Variants in RIMS1 observed in about 807,000 individuals in gnomAD.
RIMS1 encodes the protein regulating synaptic membrane exocytosis protein 1.
In RIMS1, 83 loss-of-function variants were observed where a neutral mutation model predicts 214.1. The observed-to-expected ratio is 0.39, with a 90% confidence interval of 0.32 to 0.47. RIMS1 has a LOEUF of 0.47. RIMS1 is among the 20% of genes least tolerant of loss of function. The pLI is 0.99. For missense variants in RIMS1, 2,050 were observed against 2,161.8 expected (o/e 0.95, Z 1.03); for synonymous variants, 793 against 786.8 (o/e 1.01, Z -0.13).
intron 28 of RIMS1, among the ~76,000 whole-genome samples, chr6:72,321,125 A>G (rs955896921): frequency 3.3e-5 from 5 of 152,078 alleles, no homozygotes; most frequent in Non-Finnish European, 7.4e-5. Flanking sequence ...TCAAGATGGC[A>G]TATATGCTAT....
chr6:72,370,821 A>G (rs1230563650), intron 29 of RIMS1, among the ~76,000 whole-genome samples: 5 of 152,284 alleles, frequency 3.3e-5, no homozygotes, highest in Middle Eastern at 3.4e-3. Flanking sequence ...AGTAGAGAAG[A>G]AAAGGGAGGA....
rs577388594 is a variant in RIMS1, at chr6:72,307,355, C to T, written c.3948C>T (p.Arg1316=). Residue 1316 remains arginine, a synonymous_variant, in exon 27 of 34, where the codon CGC becomes CGT. Transcript: ENST00000521978. ...CTGGTTCTAGTCAAGAACTTGATCGCGAGCAATATTCCAAGGTAAAATTAG... is the reference window on the plus strand; with the variant it reads ...CTGGTTCTAGTCAAGAACTTGATCGTGAGCAATATTCCAAGGTAAAATTAG... The part of the protein sequence containing the change: ...TGSGSSQELD[R]EQYSKYNIHK... 13 of 1,594,880 alleles carry T rather than the reference C, an allele frequency of 8.2e-6. No individual in the cohort carries two copies. Among genetic ancestry groups the T allele is most frequent in the African/African-American group, 1.3e-5 (1 of 74,580 alleles).
chr6:72,016,760 T>C (rs1030441089), intron 2 of RIMS1, among the ~76,000 whole-genome samples: 8 of 152,192 alleles, frequency 5.3e-5, no homozygotes, highest in African/African-American at 7.2e-5. Context: ...TGATCTGCAA[T>C]ATTTTGAGGA....
chr6:72,047,686 C>G (rs1479566334), intron 2 of RIMS1, among the ~76,000 whole-genome samples: 1 of 151,976 alleles, frequency 6.6e-6, no homozygotes, highest in East Asian at 1.9e-4. Flanking sequence ...TCTAAATTCC[C>G]TGCTTTGATA....
chr6:72,192,788 G>C (rs1291096787), intron 6 of RIMS1, among the ~76,000 whole-genome samples: 1 of 152,126 alleles, frequency 6.6e-6, no homozygotes, highest in African/African-American at 2.4e-5. Flanking sequence ...GGGCTGAAAG[G>C]CTAAGCCAGT....
chr6:72,333,878 G>A (rs760205498), intron 29 of RIMS1, 43 bp downstream of exon 29: 2 of 1,396,922 alleles, frequency 1.4e-6, no homozygotes, highest in East Asian at 2.5e-5. Flanking sequence ...ATTCTTTTAT[G>A]GAGAGAAAAA....
chr6:72,034,674 G>A (rs1819093055), intron 2 of RIMS1, among the ~76,000 whole-genome samples: 1 of 151,936 alleles, frequency 6.6e-6, no homozygotes, highest in Non-Finnish European at 1.5e-5. Flanking sequence ...AGTTGCAAGA[G>A]ATATTAAATG....
chr6:72,131,572 A>T (rs1019904403), intron 4 of RIMS1, among the ~76,000 whole-genome samples: 1 of 152,186 alleles, frequency 6.6e-6, no homozygotes, highest in South Asian at 2.1e-4. Flanking sequence ...AAGATCACGT[A>T]CTTCACAAGG....
At chr6:72,325,261 A>G (rs754129144) in intron 28 of RIMS1, among the ~76,000 whole-genome samples, 1 of 151,818 alleles carries the variant, frequency 6.6e-6, no homozygotes, top group Non-Finnish European at 1.5e-5. Context: ...ACAAAATTTT[A>G]GCAAATTGAA....
chr6:72,341,541 T>C (rs2097092802), intron 29 of RIMS1, among the ~76,000 whole-genome samples: 1 of 151,794 alleles, frequency 6.6e-6, no homozygotes, highest in Admixed American at 6.6e-5. Flanking sequence ...AATTACTCAA[T>C]TTACTTTAAC....
intron 1 of RIMS1, among the ~76,000 whole-genome samples, chr6:71,959,036 CT>C (rs755730318): frequency 3.3e-5 from 5 of 151,890 alleles, no homozygotes; most frequent in Non-Finnish European, 7.4e-5. Flanking sequence ...ATTTGATTTC[CT>C]TTTTTTGGTC....
At chr6:72,340,569 A>G (rs2097034765) in intron 29 of RIMS1, among the ~76,000 whole-genome samples, 1 of 152,000 alleles carries the variant, frequency 6.6e-6, no homozygotes, top group Non-Finnish European at 1.5e-5. Context: ...TGTTTTTGTC[A>G]GGTTTGTCAA....
intron 28 of RIMS1, among the ~76,000 whole-genome samples, chr6:72,326,313 T>C (rs555239734): frequency 6.6e-6 from 1 of 151,896 alleles, no homozygotes; most frequent in South Asian, 2.1e-4. Flanking sequence ...TTAGGACTTC[T>C]GTTTTTTATC....
intron 2 of RIMS1, among the ~76,000 whole-genome samples, chr6:71,998,089 T>G (rs1804024103): frequency 6.6e-6 from 1 of 152,164 alleles, no homozygotes; most frequent in African/African-American, 2.4e-5. Flanking sequence ...CAGGATGGGA[T>G]CTGTGGGTCT....
At chr6:72,176,820 T>C (rs1052888550) in intron 4 of RIMS1, among the ~76,000 whole-genome samples, 3 of 152,240 alleles carry the variant, frequency 2.0e-5, no homozygotes, top group African/African-American at 7.2e-5. Context: ...TGTTTTGACA[T>C]AGTCACTAAT....
At chr6:72,153,677 G>A (rs754055412) in intron 4 of RIMS1, among the ~76,000 whole-genome samples, 5 of 152,042 alleles carry the variant, frequency 3.3e-5, no homozygotes, top group Admixed American at 6.6e-5. Context: ...CACTTACTGC[G>A]CTAAGGGATA....
At chr6:71,909,344 T>G (rs983863331) in intron 1 of RIMS1, among the ~76,000 whole-genome samples, 6 of 152,198 alleles carry the variant, frequency 3.9e-5, no homozygotes, top group African/African-American at 1.4e-4. Context: ...GATGAAATAG[T>G]CTTTTTCTAA....
chr6:72,101,603 G>T (rs964323269), intron 4 of RIMS1, among the ~76,000 whole-genome samples: 1 of 151,858 alleles, frequency 6.6e-6, no homozygotes, highest in African/African-American at 2.4e-5. Context: ...TGGGTGGAAA[G>T]GGAAGAGAGA....
intron 1 of RIMS1, among the ~76,000 whole-genome samples, chr6:71,928,071 A>G (rs543605695): frequency 2.6e-5 from 4 of 152,276 alleles, no homozygotes; most frequent in African/African-American, 9.6e-5. Flanking sequence ...GCAATATGTT[A>G]GTGTACGAAT....
Sources: allele counts gnomAD v4.1 joint callset (sites outside exome capture counted in the v4.1 genomes callset), GRCh38; gene constraint gnomAD v4.1.1; transcripts MANE v1.5; gene names NCBI Gene and HGNC (gene_info 2026-07-23, HGNC 2026-07-21).